Variants in SHROOM2 observed in about 807,000 individuals in gnomAD.
The protein encoded by SHROOM2 is protein Shroom2.
A neutral mutation model predicts 75.9 loss-of-function variants in SHROOM2; 33 were observed. The ratio of observed to expected loss-of-function variants is 0.43; its 90% CI spans 0.33 to 0.58. The LOEUF is 0.58. SHROOM2 is among the 20% of genes least tolerant of loss of function. The probability of loss-of-function intolerance (pLI) is 0.04; values close to 1 mark genes in which losing one functional copy is unlikely to be tolerated. For missense variants in SHROOM2, 1,434 were observed against 1,461.2 expected (o/e 0.98, Z 0.30); for synonymous variants, 655 against 663.6 (o/e 0.99, Z 0.20).
chrX:9,913,554 T>C (rs2084453269), intron 5 of SHROOM2, among the ~76,000 whole-genome samples: 1 of 112,546 alleles, frequency 8.9e-6, no homozygotes, highest in Non-Finnish European at 1.9e-5. Context: ...CTTTTGTGTG[T>C]GCAGAGGGTC....
intron 5 of SHROOM2, among the ~76,000 whole-genome samples, chrX:9,922,900 G>A (rs2084560047): frequency 9.0e-6 from 1 of 111,639 alleles, no homozygotes. Flanking sequence ...AGGGACGTGT[G>A]TGTGTTCCAA....
intron 1 of SHROOM2, among the ~76,000 whole-genome samples, chrX:9,849,101 G>GA (rs1023665413): frequency 2.7e-5 from 3 of 111,925 alleles, no homozygotes; most frequent in African/African-American, 9.7e-5. Context: ...GCCTATCTGG[G>GA]AATCTATAGT....
At chrX:9,849,146 G>T (rs972535106) in intron 1 of SHROOM2, among the ~76,000 whole-genome samples, 1 of 111,764 alleles carries the variant, frequency 8.9e-6, no homozygotes, top group African/African-American at 3.3e-5. Context: ...TTTGGCAGAT[G>T]GTGTAGGAGT....
intron 6 of SHROOM2, among the ~76,000 whole-genome samples, chrX:9,936,492 G>A (rs993022134): frequency 8.9e-6 from 1 of 112,069 alleles, no homozygotes; most frequent in East Asian, 2.8e-4. Context: ...CTGCGAGATC[G>A]TATCTCACTG....
At chrX:9,788,847 C>T (rs1294789229) in intron 1 of SHROOM2, among the ~76,000 whole-genome samples, 1 of 111,079 alleles carries the variant, frequency 9.0e-6, no homozygotes, top group Non-Finnish European at 1.9e-5. Context: ...CTTGATGCTA[C>T]TGTCACCTCT....
rs769243705 is a variant in SHROOM2 at position 9,895,044 on chromosome X, G to A, written c.1136G>A (p.Gly379Glu). 1 of 1,207,196 alleles carries A rather than the reference G, an allele frequency of 8.3e-7. No homozygotes were observed. ...PWRSAHPGSL[G>E]KGSGGPGCPQ... Reference sequence around the variant, plus strand: ...AGGTCAGCACACCCGGGGAGCCTCGGGAAGGGATCGGGAGGCCCGGGCTGC... The same window carrying A: ...AGGTCAGCACACCCGGGGAGCCTCGAGAAGGGATCGGGAGGCCCGGGCTGC... Residue 379 changes from glycine (G) to glutamate (E), a missense_variant, in exon 4 of 10, where the codon GGG (glycine) becomes GAG (glutamate). Coordinates refer to ENST00000380913, the MANE Select transcript of SHROOM2 (RefSeq NM_001649.4).
chrX:9,810,570 C>T (rs1449514806), intron 1 of SHROOM2, among the ~76,000 whole-genome samples: 2 of 110,449 alleles, frequency 1.8e-5, no homozygotes, highest in Non-Finnish European at 3.8e-5. Context: ...CTCCTGGTGG[C>T]AGCGTTCCTC....
chrX:9,888,250 T>C (rs865811376), intron 2 of SHROOM2, among the ~76,000 whole-genome samples: 1 of 88,949 alleles, frequency 1.1e-5, no homozygotes, highest in Non-Finnish European at 2.2e-5. Flanking sequence ...CTCAGTCTTT[T>C]TCCACGTTGC....
intron 1 of SHROOM2, among the ~76,000 whole-genome samples, chrX:9,867,326 T>C (rs758477673): frequency 1.8e-5 from 2 of 111,325 alleles, no homozygotes; most frequent in Non-Finnish European, 3.8e-5. Context: ...GGTCTGTGAG[T>C]GCCCATAGCA....
intron 5 of SHROOM2, among the ~76,000 whole-genome samples, chrX:9,923,895 C>T (rs2084570356): frequency 1.8e-5 from 2 of 112,330 alleles, no homozygotes; most frequent in Non-Finnish European, 3.8e-5. Context: ...TTCTTAACCA[C>T]AAGTGATTTA....
Position 9,912,200 on chromosome X carries a change from C to T in SHROOM2, c.2891+13910C>T, listed in dbSNP as rs1476515617. On this transcript the variant is annotated intron_variant, in intron 5 of 9. Coordinates refer to ENST00000380913, the MANE Select transcript of SHROOM2 (RefSeq NM_001649.4). ...CCTTTTGGGGTTTTAAATTACAAGACACACACACACACACACACACACACA... is the reference window on the plus strand; with the variant it reads ...CCTTTTGGGGTTTTAAATTACAAGATACACACACACACACACACACACACA... Among the ~76,000 whole-genome samples, 3 of 18,900 alleles carry T rather than the reference C, an allele frequency of 1.6e-4. No individual in the cohort carries two copies. The African/African-American group carries it at 1.9e-3, about 12-fold the overall frequency. The allele number at this position is 18,900 out of a possible 115,157, so 16.4% of individuals were successfully genotyped here. A position where few individuals can be genotyped will look rare whatever the true frequency, so the allele number is the denominator to read the frequency against.
Position 9,796,188 on chromosome X carries a change from C to T in SHROOM2, c.165+9478C>T, listed in dbSNP as rs764117890. The stretch of plus-strand genomic sequence containing the variant: ...TTAAGAATTTGGAACTTTGGGAGGC[C>T]GAGGTGGGAGGATTGCTTGAGCCCA... On this transcript the variant is annotated intron_variant, in intron 1 of 9. Transcript: ENST00000380913. 1.5e-4 allele frequency among the ~76,000 whole-genome samples: 17 copies of T among 110,889 alleles called. No homozygotes were observed. The South Asian group carries it at 6.6e-3, about 43-fold the overall frequency.
In SHROOM2 at chrX:9,939,202, G is replaced by A. The variant is rs147239057; in HGVS notation, c.4147G>A (p.Glu1383Lys). ...TCCCACACCTTTACCCAGGAAAGAG[G>A]AGCCCAGCGTGCCTGCGGCCGTGTC... is the stretch of plus-strand genomic sequence containing the variant. ...SPRSTEERKE[E>K]PSVPAAVSLA... is the part of the protein sequence containing the mutation. Residue 1383 changes from glutamate to lysine, a missense_variant, in exon 8 of 10, where the codon GAG (glutamate) becomes AAG (lysine). By Grantham distance (56) the Glu-to-Lys change is moderately conservative (BLOSUM62 1). Transcript: ENST00000380913. The A allele has an allele frequency of 1.4e-5, 17 of 1,201,582 alleles. No individual in the cohort carries two copies. The highest frequency in any genetic ancestry group is 1.8e-5 in the Non-Finnish European group (16 of 891,267).
chrX:9,920,520 T>G (rs2084535612), intron 5 of SHROOM2, among the ~76,000 whole-genome samples: 1 of 112,353 alleles, frequency 8.9e-6, no homozygotes, highest in African/African-American at 3.2e-5. Flanking sequence ...ACCTAATAAA[T>G]ATTACACAAC....
At chrX:9,854,454 T>C (rs2084056145) in intron 1 of SHROOM2, among the ~76,000 whole-genome samples, 1 of 111,875 alleles carries the variant, frequency 8.9e-6, no homozygotes, top group Non-Finnish European at 1.9e-5. Flanking sequence ...CAGCTGAGAT[T>C]GACCTGCTGA....
Position 9,896,550 on chromosome X carries a change from AG to A in SHROOM2, c.2644del (p.Glu882AsnfsTer23), listed in dbSNP as rs1569162100. 1 of 1,210,838 alleles carries A rather than the reference AG, an allele frequency of 8.3e-7. No homozygotes were observed. Among genetic ancestry groups the A allele is most frequent in the Admixed American group, 2.2e-5 (1 of 46,046 alleles). ...TTTGCAGAGTATCAGGCCTCTTGGAAGGAACAGAGGAAACCTCTGGAGGCCA... is the reference window on the plus strand; with the variant it reads ...TTTGCAGAGTATCAGGCCTCTTGGAAGAACAGAGGAAACCTCTGGAGGCCA... Reference protein sequence around the residue: ...GTFAEYQASWKEQRKPLEARS... With the variant: ...GTFAEYQASWXEQRKPLEARS... On this transcript the variant is annotated frameshift_variant, in exon 4 of 10. Coordinates refer to ENST00000380913, the MANE Select transcript of SHROOM2 (RefSeq NM_001649.4). LOFTEE classifies it high-confidence loss of function.
At chrX:9,858,261 G>T (rs1274894151) in intron 1 of SHROOM2, among the ~76,000 whole-genome samples, 2 of 111,630 alleles carry the variant, frequency 1.8e-5, no homozygotes, top group Admixed American at 1.9e-4. Flanking sequence ...GGCAGCATTA[G>T]ATTATCTCAC....
At chrX:9,802,984 A>G (rs1422477867) in intron 1 of SHROOM2, among the ~76,000 whole-genome samples, 2 of 105,102 alleles carry the variant, frequency 1.9e-5, no homozygotes, top group African/African-American at 3.7e-5. Context: ...GCTGGAGTGC[A>G]GTGGCGTGAT....
At chrX:9,900,777 C>G (rs993113527) in intron 5 of SHROOM2, among the ~76,000 whole-genome samples, 2 of 110,877 alleles carry the variant, frequency 1.8e-5, no homozygotes, top group African/African-American at 3.3e-5. Flanking sequence ...TAGAACTGAA[C>G]CTGAGGGAGC....
Sources: allele counts gnomAD v4.1 joint callset (sites outside exome capture counted in the v4.1 genomes callset), GRCh38; gene constraint gnomAD v4.1.1; transcripts MANE v1.5; gene names NCBI Gene and HGNC (gene_info 2026-07-23, HGNC 2026-07-21).